The following PTGIS variants were observed in gnomAD, a reference collection of about 807,000 sequenced individuals.
The protein encoded by PTGIS is prostaglandin I2 synthase, also known as prostacyclin synthase.
In PTGIS, 45 loss-of-function variants were observed where a neutral mutation model predicts 50.3. The observed-to-expected ratio is 0.90, with a 90% confidence interval of 0.70 to 1.15. The LOEUF (loss-of-function observed/expected upper bound fraction) is 1.15. PTGIS is among the 50% of genes most tolerant of loss of function. The pLI, the probability that PTGIS is intolerant of heterozygous loss-of-function variation, is 0.00. For synonymous variants in PTGIS, 260 were observed against 267.7 expected (o/e 0.97, Z 0.28); for missense variants, 668 against 661.3 (o/e 1.01, Z -0.11).
rs575484956 is a variant in PTGIS, at chr20:49,507,934, G to A, written c.1489C>T (p.Arg497Cys). The change falls in exon 10 of 10, where the codon CGC (arginine) becomes TGC (cysteine). Residue 497 changes from arginine (R) to cysteine (C), a missense_variant. Transcript: ENST00000244043. ...TGCTCCCTGTGTCATGGGCGGATGCGGTAGCGGACGGGCACGTCGTGTTCC... is the reference window on the plus strand; with the variant it reads ...TGCTCCCTGTGTCATGGGCGGATGCAGTAGCGGACGGGCACGTCGTGTTCC... The part of the protein sequence containing the change: ...QPEHDVPVRY[R>C]IRP The A allele has an allele frequency of 2.0e-5, 33 of 1,612,608 alleles. No individual in the cohort carries two copies. The highest frequency in any genetic ancestry group is 1.5e-4 in the African/African-American group (11 of 75,038).
chr20:49,546,773 G>A (rs1982371828), intron 3 of PTGIS, among the ~76,000 whole-genome samples: 1 of 152,220 alleles, frequency 6.6e-6, no homozygotes, highest in East Asian at 1.9e-4. Flanking sequence ...AGATATGAAA[G>A]TGAGCCTATC....
intron 6 of PTGIS, among the ~76,000 whole-genome samples, chr20:49,515,242 G>A (rs79112249): frequency 0.047 from 7,129 of 152,200 alleles, 570 homozygotes; most frequent in African/African-American, 0.16. Context: ...TGTTGTGTAC[G>A]TATAAAACAA....
At chr20:49,545,710 A>G (rs1179046197) in intron 3 of PTGIS, among the ~76,000 whole-genome samples, 1 of 152,128 alleles carries the variant, frequency 6.6e-6, no homozygotes, top group East Asian at 1.9e-4. Flanking sequence ...ACCAAAAAGG[A>G]TATCCCTACA....
rs528672894 is a variant in PTGIS at position 49,522,188 on chromosome 20, A to T, written c.855+1870T>A. 2.0e-5 allele frequency among the ~76,000 whole-genome samples: 3 copies of T among 151,548 alleles called. No individual in the cohort carries two copies. In the South Asian group the frequency reaches 6.3e-4, roughly 32 times the overall value. ...ATCCAACTCTACTCTGCAAGATCCAACCCCAGGGCCTTTGCACTTGCTGTT... is the reference window on the plus strand; with the variant it reads ...ATCCAACTCTACTCTGCAAGATCCATCCCCAGGGCCTTTGCACTTGCTGTT... On this transcript the variant is annotated intron_variant, in intron 6 of 9. Transcript: ENST00000244043.
chr20:49,533,433 C>T (rs374299148), intron 5 of PTGIS, among the ~76,000 whole-genome samples: 10 of 152,212 alleles, frequency 6.6e-5, no homozygotes, highest in African/African-American at 2.4e-4. Flanking sequence ...CCCCCAACTC[C>T]CTACTGTATG....
At chr20:49,560,804 G>C (rs139610481) in intron 1 of PTGIS, among the ~76,000 whole-genome samples, 1 of 152,202 alleles carries the variant, frequency 6.6e-6, no homozygotes, top group Admixed American at 6.5e-5. Context: ...GGGACGAGAC[G>C]TAGGCGATGA....
At chr20:49,511,909 G>C (rs1981330467) in intron 8 of PTGIS, among the ~76,000 whole-genome samples, 2 of 151,026 alleles carry the variant, frequency 1.3e-5, no homozygotes, top group African/African-American at 4.9e-5. Flanking sequence ...GAATGAATGG[G>C]TAGATTGATG....
intron 4 of PTGIS, 90 bp from the exon 5 acceptor site, chr20:49,539,811 T>G (rs1982180135): frequency 6.7e-7 from 1 of 1,487,870 alleles, no homozygotes; most frequent in Non-Finnish European, 9.1e-7. Context: ...ATACACCCAG[T>G]GAGCAACTAC....
chr20:49,548,735 G>GAGGAAGGA lies in PTGIS; in HGVS notation c.199-724_199-717dup, dbSNP rs373808633. On this transcript the variant is annotated intron_variant, in intron 2 of 9. Coordinates refer to ENST00000244043, the MANE Select transcript of PTGIS (RefSeq NM_000961.4). ...AATGGAAGGAAGGAAGGAAGGGAGG[G>GAGGAAGGA]AGGAAGGAAGGAAGGAAGGAAGGAA... Among the ~76,000 whole-genome samples, 9 of 151,370 alleles carry GAGGAAGGA rather than the reference G, an allele frequency of 5.9e-5. No homozygotes were observed. In the East Asian group the frequency reaches 1.7e-3, roughly 29 times the overall value.
At chr20:49,552,492 AC>A (rs1332690324) in intron 1 of PTGIS, among the ~76,000 whole-genome samples, 1 of 151,988 alleles carries the variant, frequency 6.6e-6, no homozygotes, top group Non-Finnish European at 1.5e-5. Flanking sequence ...CCTCTAACAC[AC>A]CCAGTCTCTC....
intron 6 of PTGIS, among the ~76,000 whole-genome samples, chr20:49,519,933 G>GCTCCTCTCTGAGAGGAGGCTGCTCAGAGC (rs552739720): frequency 6.6e-6 from 1 of 151,614 alleles, no homozygotes; most frequent in African/African-American, 2.4e-5. Context: ...GGATCCTGCT[G>GCTCCTCTCTGAGAGGAGGCTGCTCAGAGC]CTCCTCTCTG....
chr20:49,519,503 C>T (rs1251834229), intron 6 of PTGIS, among the ~76,000 whole-genome samples: 1 of 152,020 alleles, frequency 6.6e-6, no homozygotes, highest in African/African-American at 2.4e-5. Flanking sequence ...GGCCCCTCCT[C>T]CTCACCCTTC....
intron 9 of PTGIS, among the ~76,000 whole-genome samples, chr20:49,510,097 T>C (rs1392634210): frequency 1.3e-5 from 2 of 151,870 alleles, no homozygotes; most frequent in East Asian, 3.9e-4. Flanking sequence ...CCATGTTGGC[T>C]AGGCTGGTCT....
rs200026628 is a variant in PTGIS, at chr20:49,550,046, G to A, written c.198+20C>T. 24 of 1,614,038 alleles carry A rather than the reference G, an allele frequency of 1.5e-5. 1 individual carries two copies. In the Admixed American group the frequency reaches 3.0e-4, roughly 20 times the overall value. On this transcript the variant is annotated intron_variant, in intron 2 of 9. Coordinates refer to ENST00000244043, the MANE Select transcript of PTGIS (RefSeq NM_000961.4). ...CCAGCTGCTCATCCCCATCCCTCCC[G>A]AGGCACAAGAGGCACTTACAGTAAA... is the stretch of plus-strand genomic sequence containing the variant.
At chr20:49,535,493 T>C (rs1982045939) in intron 5 of PTGIS, among the ~76,000 whole-genome samples, 1 of 152,178 alleles carries the variant, frequency 6.6e-6, no homozygotes. Flanking sequence ...ATGTGAGGGC[T>C]AAAAAAATGT....
chr20:49,519,435 C>T (rs1274675469), intron 6 of PTGIS, among the ~76,000 whole-genome samples: 3 of 152,046 alleles, frequency 2.0e-5, no homozygotes, highest in Non-Finnish European at 4.4e-5. Context: ...TACCATTTTT[C>T]AGCCTCTCTG....
Position 49,540,665 on chromosome 20 carries a change from G to A in PTGIS, c.522-944C>T, listed in dbSNP as rs6019888. Among the ~76,000 whole-genome samples, 34 of 151,788 alleles carry A rather than the reference G, an allele frequency of 2.2e-4. 1 individual carries two copies. The highest frequency in any genetic ancestry group is 4.9e-4 in the Non-Finnish European group (33 of 67,976). On this transcript the variant is annotated intron_variant, in intron 4 of 9. Coordinates refer to ENST00000244043, the MANE Select transcript of PTGIS (RefSeq NM_000961.4). This position sits in a 1 kb window ranked among gnomAD's most constrained non-coding sequence, Gnocchi z 4.8. ...TGTGCTCTCACTGAGGCACACTTAC[G>A]CACACGCACACGCACACACACAGGA...
intron 1 of PTGIS, among the ~76,000 whole-genome samples, chr20:49,555,508 T>A (rs1359017359): frequency 6.6e-6 from 1 of 152,172 alleles, no homozygotes; most frequent in Non-Finnish European, 1.5e-5. Flanking sequence ...TTCGGCTTAT[T>A]TGGTAAAATA....
At chr20:49,526,142 C>T (rs1001769589) in intron 5 of PTGIS, among the ~76,000 whole-genome samples, 2 of 152,180 alleles carry the variant, frequency 1.3e-5, no homozygotes, top group Non-Finnish European at 2.9e-5. Context: ...TCTGGATGCC[C>T]AGGTGCCAAC....
Sources: gnomAD v4.1 joint callset for allele counts (sites outside exome capture counted in the v4.1 genomes callset) on GRCh38, gnomAD v4.1.1 for gene constraint, Gnocchi (gnomAD v3.1) non-coding constraint, MANE v1.5 for transcripts, NCBI Gene and HGNC (gene_info 2026-07-23, HGNC 2026-07-21) for gene names.